The following CCDC73 variants were observed in gnomAD, a reference collection of about 807,000 sequenced individuals.
The protein encoded by CCDC73 is coiled-coil domain containing 73.
Under a neutral mutation model 116.5 loss-of-function variants are expected in CCDC73, and 95 were observed. The observed-to-expected ratio is 0.82, with a 90% confidence interval of 0.69 to 0.97. The LOEUF (loss-of-function observed/expected upper bound fraction) is 0.97, where lower values mean the gene tolerates loss of function less well. CCDC73 is among the 50% of genes least tolerant of loss of function. CCDC73 has a pLI of 0.00. For missense variants in CCDC73, 1,066 were observed against 1,206.8 expected (o/e 0.88, Z 1.73); for synonymous variants, 398 against 401.3 (o/e 0.99, Z 0.10).
chr11:32,826,187 G>A, the CCDC73 span, among the ~76,000 whole-genome samples: 2 of 152,172 alleles, frequency 1.3e-5, no homozygotes, highest in East Asian at 1.9e-4. Context: ...ATACCTGCAT[G>A]TAGATATATA....
Position 32,614,448 on chromosome 11 carries a change from G to T in CCDC73, c.1870C>A (p.Gln624Lys), listed in dbSNP as rs1430711924. 6.2e-7 allele frequency: 1 copy of T among 1,613,226 alleles called. No homozygotes were observed. The highest frequency in any genetic ancestry group is 8.5e-7 in the Non-Finnish European group (1 of 1,179,658). ...GACGAGTCCAAATCTGCTTTGGTTTGGTCACTATTTGTAATTTCCTTCTCT... is the reference window on the plus strand; with the variant it reads ...GACGAGTCCAAATCTGCTTTGGTTTTGTCACTATTTGTAATTTCCTTCTCT... Reference protein sequence around the residue: ...ALEKEITNSDQTKADLDSSLD... With the variant: ...ALEKEITNSDKTKADLDSSLD... The change falls in exon 16 of 18, where the codon CAA becomes AAA. Residue 624 changes from glutamine (Q) to lysine (K), a missense_variant. Transcript: ENST00000335185.
At chr11:32,825,960 T>A in the CCDC73 span, among the ~76,000 whole-genome samples, 20 of 152,204 alleles carry the variant, frequency 1.3e-4, no homozygotes, top group African/African-American at 4.8e-4. Flanking sequence ...AAGATTAATA[T>A]ATTTTAAACA....
chr11:32,616,267 G>T, intron 14 of CCDC73, 138 bp from the exon 15 acceptor site: 1 of 879,838 alleles, frequency 1.1e-6, no homozygotes. Context: ...TGATTTTTTA[G>T]TAAGTTTAAT....
chr11:32,613,846 A>T lies in CCDC73; in HGVS notation c.2472T>A (p.Asn824Lys). ...TAATGCTCACAAAAAGGAAGAGGTC[A>T]TTTTTTGTGGCTTCAGTTACCTGAT... ...DENQVTEATK[N>K]DLFLFVSINE... Residue 824 changes from asparagine to lysine, a missense_variant, in exon 16 of 18, where the codon AAT (asparagine) becomes AAA (lysine). Coordinates refer to ENST00000335185, the MANE Select transcript of CCDC73 (RefSeq NM_001008391.4). 1 of 1,613,588 alleles carries T rather than the reference A, an allele frequency of 6.2e-7. No individual in the cohort carries two copies. The highest frequency in any genetic ancestry group is 1.1e-5 in the South Asian group (1 of 91,078).
intron 2 of CCDC73, among the ~76,000 whole-genome samples, chr11:32,745,492 C>T (rs530948019): frequency 2.6e-5 from 4 of 151,894 alleles, no homozygotes; most frequent in African/African-American, 9.7e-5. Context: ...CTAATATTGA[C>T]ATTGGGGTGT....
Position 32,761,419 on chromosome 11 carries a change from C to A in CCDC73, c.-15-1161G>T, listed in dbSNP as rs1326792934. Among the ~76,000 whole-genome samples, 3 of 152,060 alleles carry A rather than the reference C, an allele frequency of 2.0e-5. No homozygotes were observed. In the East Asian group the frequency reaches 5.8e-4, roughly 29 times the overall value. ...CATTTATGTACACATTTCTCTGTGA[C>A]CATAATTTTTCATTCCTTAGAGATA... On this transcript the variant is annotated intron_variant, in intron 1 of 17. Coordinates refer to ENST00000335185, the MANE Select transcript of CCDC73 (RefSeq NM_001008391.4).
the CCDC73 span, among the ~76,000 whole-genome samples, chr11:32,829,630 G>T: frequency 7.9e-5 from 12 of 152,256 alleles, no homozygotes; most frequent in Non-Finnish European, 1.0e-4. Context: ...AGCCCTGGAC[G>T]CGCCGAGGGC....
rs1002171804 is a variant in CCDC73 at position 32,610,089 on chromosome 11, G to A, written c.3030+1043C>T. On this transcript the variant is annotated intron_variant, in intron 17 of 17. Transcript: ENST00000335185. ...CAGGCATGAGCCACTGCACCCGGCC[G>A]GCAAAAGGCAGTTCTTACATGGCGG... Among the ~76,000 whole-genome samples the A allele has an allele frequency of 5.9e-5, 9 of 151,890 alleles. 1 individual carries two copies. The East Asian group carries it at 7.7e-4, about 13-fold the overall frequency.
chr11:32,814,078 A>G, the CCDC73 span, among the ~76,000 whole-genome samples: 2 of 152,170 alleles, frequency 1.3e-5, no homozygotes, highest in Admixed American at 6.5e-5. Flanking sequence ...AATTTTCCTC[A>G]TAAAGTTTCT....
chr11:32,822,923 G>A, the CCDC73 span, among the ~76,000 whole-genome samples: 1 of 152,084 alleles, frequency 6.6e-6, no homozygotes, highest in Non-Finnish European at 1.5e-5. Context: ...CAACCTCATA[G>A]TAGGTTCAAT....
intron 1 of CCDC73, among the ~76,000 whole-genome samples, chr11:32,767,061 C>T (rs947280458): frequency 5.9e-5 from 9 of 152,222 alleles, no homozygotes; most frequent in African/African-American, 9.6e-5. Flanking sequence ...CGCTACCTGA[C>T]TTCAAACTAT....
At chr11:32,757,020 AAAC>A (rs542739603) in intron 2 of CCDC73, among the ~76,000 whole-genome samples, 46 of 152,284 alleles carry the variant, frequency 3.0e-4, no homozygotes, top group African/African-American at 9.9e-4. Flanking sequence ...TATTCATAAA[AAAC>A]AACAACTGAA....
intron 9 of CCDC73, among the ~76,000 whole-genome samples, chr11:32,657,496 T>A (rs2133266141): frequency 6.6e-6 from 1 of 152,252 alleles, no homozygotes; most frequent in Non-Finnish European, 1.5e-5. Flanking sequence ...AGTAGTATAG[T>A]GGATATCCTC....
At chr11:32,666,564 TC>T (rs1406566252) in intron 9 of CCDC73, among the ~76,000 whole-genome samples, 1 of 152,182 alleles carries the variant, frequency 6.6e-6, no homozygotes, top group African/African-American at 2.4e-5. Context: ...ATTCATCTCA[TC>T]TTTTTTCAAG....
At chr11:32,675,119 G>A (rs1467566833) in intron 9 of CCDC73, among the ~76,000 whole-genome samples, 2 of 151,994 alleles carry the variant, frequency 1.3e-5, no homozygotes, top group Non-Finnish European at 2.9e-5. Context: ...ATTTATAATA[G>A]TTTTACATTA....
intron 16 of CCDC73, 84 bp downstream of exon 16, chr11:32,613,338 A>C (rs1855439324): frequency 8.4e-7 from 1 of 1,193,466 alleles, no homozygotes; most frequent in South Asian, 1.7e-5. Context: ...TTTAAAACAA[A>C]ATTTACAAAA....
chr11:32,656,222 C>T (rs1288091833), intron 9 of CCDC73, among the ~76,000 whole-genome samples: 2 of 151,984 alleles, frequency 1.3e-5, no homozygotes, highest in South Asian at 4.2e-4. Flanking sequence ...GGACTACAGG[C>T]GCCCACCACC....
At chr11:32,755,695 GTATA>G (rs1263807186) in intron 2 of CCDC73, among the ~76,000 whole-genome samples, 1 of 26,962 alleles carries the variant, frequency 3.7e-5, no homozygotes, top group African/African-American at 1.6e-4. Context: ...ATATATATGT[GTATA>G]TATATATCTC....
chr11:32,640,900 C>T (rs1044682177), intron 13 of CCDC73, among the ~76,000 whole-genome samples: 4 of 151,894 alleles, frequency 2.6e-5, no homozygotes, highest in Admixed American at 6.6e-5. Context: ...GCCTGTAGTC[C>T]CAGCTACTCA....
Sources: allele counts gnomAD v4.1 joint callset (sites outside exome capture counted in the v4.1 genomes callset), GRCh38; gene constraint gnomAD v4.1.1; transcripts MANE v1.5; gene names NCBI Gene and HGNC (gene_info 2026-07-23, HGNC 2026-07-21).